The following ABCC4 variants were observed in gnomAD, a reference collection of about 807,000 sequenced individuals.
The protein encoded by ABCC4 is ATP-binding cassette sub-family C member 4.
Under a neutral mutation model 168.5 loss-of-function variants are expected in ABCC4, and 102 were observed. The ratio of observed to expected loss-of-function variants is 0.61; its 90% CI spans 0.52 to 0.71. The LOEUF is 0.71. Ranked by LOEUF, ABCC4 falls within the 30% of genes least tolerant of loss-of-function variation. The probability of loss-of-function intolerance (pLI) is 0.00; values close to 1 mark genes in which losing one functional copy is unlikely to be tolerated. For missense variants in ABCC4, 1,402 were observed against 1,605.8 expected, an observed-to-expected ratio of 0.87 and a Z score of 2.17; for synonymous variants, 617 against 590.7, an observed-to-expected ratio of 1.04 and a Z score of -0.65.
intron 4 of ABCC4, among the ~76,000 whole-genome samples, chr13:95,214,462 A>G (rs1051194767): frequency 6.6e-6 from 1 of 152,210 alleles, no homozygotes; most frequent in Non-Finnish European, 1.5e-5. Flanking sequence ...AATGAAGGAC[A>G]AAAACAAAGA....
intron 20 of ABCC4, chr13:95,095,940 T>TA (rs987167343): frequency 2.6e-6 from 1 of 386,860 alleles, no homozygotes; most frequent in Non-Finnish European, 4.6e-6. Flanking sequence ...TTAAGACACT[T>TA]AAATAGGTGC....
intron 19 of ABCC4, among the ~76,000 whole-genome samples, chr13:95,149,542 G>GA (rs4148507): frequency 4.8e-4 from 72 of 150,506 alleles, no homozygotes; most frequent in East Asian, 3.1e-3. Context: ...CCAACAGGAG[G>GA]AAAAAAAAAT....
intron 1 of ABCC4, among the ~76,000 whole-genome samples, chr13:95,275,403 A>C (rs2040947836): frequency 6.6e-6 from 1 of 152,222 alleles, no homozygotes; most frequent in Non-Finnish European, 1.5e-5. Flanking sequence ...AATTATCCGC[A>C]AGCTAATAAC....
In ABCC4 at chr13:95,244,660, A is replaced by G. The variant is rs1369893636; in HGVS notation, c.306+2315T>C. Among the ~76,000 whole-genome samples the G allele has an allele frequency of 3.1e-5, 2 of 65,442 alleles. 1 individual carries two copies. The highest frequency in any genetic ancestry group is 7.1e-5 in the Non-Finnish European group (2 of 28,086). The allele number at this position is 65,442 out of a possible 152,430, so 42.9% of individuals were successfully genotyped here. ...AAGAAAGAAAGAAAGAAAGAAAGAA[A>G]GAAAGAAAGAAATCATAGCAGTTCC... On this transcript the variant is annotated intron_variant, in intron 3 of 30. Transcript: ENST00000645237.
At chr13:95,030,972 T>A (rs2031852290) in intron 30 of ABCC4, among the ~76,000 whole-genome samples, 1 of 152,206 alleles carries the variant, frequency 6.6e-6, no homozygotes, top group African/African-American at 2.4e-5. Flanking sequence ...GGAAAGCAAC[T>A]CCGTGGTCAA....
chr13:95,111,001 A>G (rs1287069321), intron 20 of ABCC4, among the ~76,000 whole-genome samples: 28 of 141,828 alleles, frequency 2.0e-4, no homozygotes, highest in African/African-American at 7.2e-4. Flanking sequence ...AAAAAAAAAA[A>G]CCACAGAAAA....
At chr13:95,227,356 C>T (rs577023382) in intron 4 of ABCC4, among the ~76,000 whole-genome samples, 2 of 152,274 alleles carry the variant, frequency 1.3e-5, no homozygotes, top group South Asian at 4.1e-4. Context: ...TCACAAAATG[C>T]CCAGGTACAA....
chr13:95,060,618 T>C (rs533284009), intron 26 of ABCC4, among the ~76,000 whole-genome samples: 2 of 152,386 alleles, frequency 1.3e-5, no homozygotes, highest in East Asian at 1.9e-4. Context: ...CATTTTCTAC[T>C]GTAAGCACTA....
intron 20 of ABCC4, 58 bp from the exon 21 acceptor site, chr13:95,083,348 T>C (rs993104345): frequency 3.8e-6 from 6 of 1,588,144 alleles, no homozygotes; most frequent in South Asian, 1.1e-5. Context: ...TCAAAAATAC[T>C]TGCATGAGTT....
chr13:95,025,024 G>A (rs56297484), intron 30 of ABCC4, among the ~76,000 whole-genome samples: 1 of 151,872 alleles, frequency 6.6e-6, no homozygotes, highest in African/African-American at 2.4e-5. Context: ...GGAGCGCTAA[G>A]GTATGTCAAT....
At chr13:95,035,511 C>T (rs1379218360) in intron 29 of ABCC4, among the ~76,000 whole-genome samples, 1 of 152,230 alleles carries the variant, frequency 6.6e-6, no homozygotes, top group African/African-American at 2.4e-5. Context: ...CCTGTGATCA[C>T]AGCCCACATG....
chr13:95,284,333 G>A (rs1321840222), intron 1 of ABCC4, among the ~76,000 whole-genome samples: 1 of 152,096 alleles, frequency 6.6e-6, no homozygotes, highest in Non-Finnish European at 1.5e-5. Flanking sequence ...TACTACAGGT[G>A]TGCACCACCA....
Position 95,071,760 on chromosome 13 carries a change from CATGG to C in ABCC4, c.3108_3111del (p.His1037LysfsTer3). 1 of 1,607,908 alleles carries C rather than the reference CATGG, an allele frequency of 6.2e-7. No individual in the cohort carries two copies. Among genetic ancestry groups the C allele is most frequent in the Non-Finnish European group, 8.5e-7 (1 of 1,177,174 alleles). Reference sequence around the variant, plus strand: ...ACATTGTCAAAGATTATCACTCCTTCATGGGGCCAGGCTGGTGGTGGGCGTTTCT... The same window carrying C: ...ACATTGTCAAAGATTATCACTCCTTCGGCCAGGCTGGTGGTGGGCGTTTCT... On this transcript the variant is annotated frameshift_variant, in exon 25 of 31. Coordinates refer to ENST00000645237, the MANE Select transcript of ABCC4 (RefSeq NM_005845.5). LOFTEE classifies it high-confidence loss of function.
At chr13:95,282,340 C>A (rs77904806) in intron 1 of ABCC4, among the ~76,000 whole-genome samples, 4,974 of 152,074 alleles carry the variant, frequency 0.033, 95 homozygotes, top group Non-Finnish European at 0.049. Context: ...AGGAAAGTCC[C>A]ACTGAAGGTG....
chr13:95,246,792 G>A (rs1378775262), intron 3 of ABCC4, among the ~76,000 whole-genome samples, 183 bp downstream of exon 3: 1 of 152,076 alleles, frequency 6.6e-6, no homozygotes, highest in Non-Finnish European at 1.5e-5. Flanking sequence ...GGATAAATAC[G>A]CTCACTGAAC....
At chr13:95,068,551 A>G (rs1189453) in intron 25 of ABCC4, among the ~76,000 whole-genome samples, 137,030 of 152,140 alleles carry the variant, frequency 0.9, 62,089 homozygotes, top group Non-Finnish European at 0.95. Flanking sequence ...CTTGAACCTG[A>G]GAGGCAGAAT....
chr13:95,179,995 T>C (rs1374853167), intron 11 of ABCC4, among the ~76,000 whole-genome samples: 1 of 152,190 alleles, frequency 6.6e-6, no homozygotes, highest in Non-Finnish European at 1.5e-5. Flanking sequence ...ATGACATATT[T>C]TCTGATCAAA....
chr13:95,030,251 C>T (rs1387160797), intron 30 of ABCC4, among the ~76,000 whole-genome samples: 2 of 152,032 alleles, frequency 1.3e-5, no homozygotes, highest in Non-Finnish European at 2.9e-5. Context: ...GAACTCCTGA[C>T]TTCAAGTGAT....
In ABCC4 at chr13:95,074,140, C is replaced by A. The variant is rs116729778; in HGVS notation, c.2917+74G>T. 2.8e-4 allele frequency: 330 copies of A among 1,183,824 alleles called. 1 individual carries two copies. In the African/African-American group the frequency reaches 4.7e-3, roughly 17 times the overall value. The allele number at this position is 1,183,824 out of a possible 1,614,324, so 73.3% of individuals were successfully genotyped here. A position where few individuals can be genotyped will look rare whatever the true frequency, so the allele number is the denominator to read the frequency against. On this transcript the variant is annotated intron_variant, in intron 23 of 30. Transcript: ENST00000645237. ...CAGTATGTAGTAGTAGACAAGGTGG[C>A]AAGAGTTTAATAAATGTAAACACAG...
Sources: allele counts gnomAD v4.1 joint callset (sites outside exome capture counted in the v4.1 genomes callset), GRCh38; gene constraint gnomAD v4.1.1; transcripts MANE v1.5; gene names NCBI Gene and HGNC (gene_info 2026-07-23, HGNC 2026-07-21).